Variants in QTMAN observed in about 807,000 individuals in gnomAD.
QTMAN encodes the protein tRNA-queuosine alpha-mannosyltransferase.
At chr2:144,302,328 A>G in the QTMAN span, among the ~76,000 whole-genome samples, 14 of 152,142 alleles carry the variant, frequency 9.2e-5, no homozygotes, top group African/African-American at 3.4e-4. Context: ...AGTAAAAAGA[A>G]AGATATCGAT....
chr2:143,995,771 G>A, the QTMAN span, among the ~76,000 whole-genome samples: 2 of 152,050 alleles, frequency 1.3e-5, no homozygotes, highest in East Asian at 3.9e-4. Flanking sequence ...ACATATCTAC[G>A]CTGATAACTC....
the QTMAN span, among the ~76,000 whole-genome samples, chr2:144,166,196 A>G: frequency 6.6e-6 from 1 of 152,192 alleles, no homozygotes; most frequent in Admixed American, 6.5e-5. Flanking sequence ...GTTGCCTTTT[A>G]TCTCCATGCT....
the QTMAN span, among the ~76,000 whole-genome samples, chr2:144,023,906 G>A: frequency 6.6e-6 from 1 of 152,220 alleles, no homozygotes; most frequent in Non-Finnish European, 1.5e-5. Context: ...TTGAGAGTCT[G>A]CATGGGCTAT....
the QTMAN span, among the ~76,000 whole-genome samples, chr2:144,210,239 T>C: frequency 6.6e-6 from 1 of 152,146 alleles, no homozygotes; most frequent in Non-Finnish European, 1.5e-5. Context: ...TTGTAGGACT[T>C]AGTCTCATCA....
the QTMAN span, chr2:143,944,957 G>T: frequency 6.6e-6 from 1 of 150,636 alleles, no homozygotes; most frequent in African/African-American, 2.4e-5. Context: ...AAAGATCTAT[G>T]GGTACTAGTT....
At chr2:143,996,433 G>T in the QTMAN span, among the ~76,000 whole-genome samples, 1 of 152,076 alleles carries the variant, frequency 6.6e-6, no homozygotes, top group Non-Finnish European at 1.5e-5. Flanking sequence ...GAGAAATTTG[G>T]GGGGATAGCT....
chr2:144,119,949 G>A, the QTMAN span, among the ~76,000 whole-genome samples: 2 of 152,148 alleles, frequency 1.3e-5, no homozygotes, highest in South Asian at 2.1e-4. Context: ...ATAAACTGAA[G>A]TGGTATTGAA....
chr2:143,984,858 G>C, the QTMAN span, among the ~76,000 whole-genome samples: 3 of 152,122 alleles, frequency 2.0e-5, no homozygotes, highest in East Asian at 3.9e-4. Flanking sequence ...TTCCCACTGA[G>C]AGCCACTTCC....
the QTMAN span, among the ~76,000 whole-genome samples, chr2:144,279,096 G>C: frequency 2.0e-5 from 3 of 152,152 alleles, no homozygotes; most frequent in Admixed American, 2.0e-4. Context: ...GTTCCAGCAT[G>C]TGGGTGAGGA....
At chr2:144,142,145 G>C in the QTMAN span, 3 of 807,656 alleles carry the variant, frequency 3.7e-6, no homozygotes, top group East Asian at 5.2e-5. Flanking sequence ...ATTAATCAGA[G>C]TTTATACTAC....
the QTMAN span, among the ~76,000 whole-genome samples, chr2:143,995,654 C>T: frequency 6.6e-6 from 1 of 152,074 alleles, no homozygotes; most frequent in Non-Finnish European, 1.5e-5. Flanking sequence ...ACCTACTATG[C>T]TATAACTATA....
chr2:144,105,417 A>C, the QTMAN span, among the ~76,000 whole-genome samples: 8 of 152,236 alleles, frequency 5.3e-5, no homozygotes, highest in African/African-American at 1.9e-4. Context: ...AAATGACCTG[A>C]TGCAGCTAAA....
the QTMAN span, among the ~76,000 whole-genome samples, chr2:143,971,448 T>C: frequency 6.6e-6 from 1 of 152,166 alleles, no homozygotes; most frequent in Non-Finnish European, 1.5e-5. Flanking sequence ...TAGTAGAGGC[T>C]TTGGAACACA....
chr2:144,275,997 C>A, the QTMAN span, among the ~76,000 whole-genome samples: 1 of 152,080 alleles, frequency 6.6e-6, no homozygotes, highest in East Asian at 1.9e-4. Flanking sequence ...CACACATGCA[C>A]ACGTGAAATT....
At chr2:144,035,603 A>T in the QTMAN span, among the ~76,000 whole-genome samples, 1 of 152,198 alleles carries the variant, frequency 6.6e-6, no homozygotes, top group African/African-American at 2.4e-5. Context: ...GCAAAAAAAA[A>T]TGGTTATCAA....
the QTMAN span, among the ~76,000 whole-genome samples, chr2:144,008,883 A>G: frequency 6.6e-6 from 1 of 152,046 alleles, no homozygotes; most frequent in Non-Finnish European, 1.5e-5. Context: ...GCTCCTGCTG[A>G]AAGAGTGGTG....
At chr2:143,984,609 C>A in the QTMAN span, among the ~76,000 whole-genome samples, 1 of 152,196 alleles carries the variant, frequency 6.6e-6, no homozygotes, top group African/African-American at 2.4e-5. Context: ...GTAAGAACTA[C>A]CCCTGTTTTC....
chr2:144,087,930 A>T, the QTMAN span, among the ~76,000 whole-genome samples: 2 of 152,044 alleles, frequency 1.3e-5, no homozygotes, highest in Non-Finnish European at 2.9e-5. Context: ...CTTATTCAAC[A>T]TAGTACTAGT....
chr2:144,236,948 A>G, the QTMAN span, among the ~76,000 whole-genome samples: 10 of 152,178 alleles, frequency 6.6e-5, no homozygotes, highest in East Asian at 1.9e-3. Flanking sequence ...AAGAAGGGAA[A>G]AATTACCTTT....
Sources: allele counts gnomAD v4.1 joint callset (sites outside exome capture counted in the v4.1 genomes callset), GRCh38; gene constraint gnomAD v4.1.1; transcripts MANE v1.5; gene names NCBI Gene and HGNC (gene_info 2026-07-23, HGNC 2026-07-21).